The following MED21 variants were observed in gnomAD, a reference collection of about 807,000 sequenced individuals.
MED21 encodes the protein mediator complex subunit 21.
A neutral mutation model predicts 18.2 loss-of-function variants in MED21; 9 were observed. The ratio of observed to expected loss-of-function variants is 0.49; its 90% CI spans 0.30 to 0.86. MED21 has a LOEUF of 0.86. Ranked by LOEUF, MED21 falls within the 40% of genes least tolerant of loss-of-function variation. The probability of loss-of-function intolerance (pLI) is 0.07; values close to 1 mark genes in which losing one functional copy is unlikely to be tolerated. For missense variants in MED21, 150 were observed against 170.9 expected, an observed-to-expected ratio of 0.88 and a Z score of 0.68; for synonymous variants, 73 against 60.5, an observed-to-expected ratio of 1.21 and a Z score of -0.96.
chr12:27,023,399 A>G (rs984935920), intron 1 of MED21, among the ~76,000 whole-genome samples: 1 of 129,806 alleles, frequency 7.7e-6, no homozygotes, highest in African/African-American at 2.6e-5. Flanking sequence ...TCCCGGGTTC[A>G]AGCGATTCTC....
At chr12:27,023,879 C>A (rs934074256) in intron 1 of MED21, among the ~76,000 whole-genome samples, 1 of 152,014 alleles carries the variant, frequency 6.6e-6, no homozygotes, top group Non-Finnish European at 1.5e-5. Flanking sequence ...GTAACAAAGT[C>A]ATTTAGTATC....
At chr12:27,038,162 A>C (rs1342226674) in intron 2 of MED21, 1 of 152,196 alleles carries the variant, frequency 6.6e-6, no homozygotes, top group Middle Eastern at 3.2e-3. Context: ...GAAAACTCTC[A>C]GTACTTAAAG....
chr12:27,033,733 A>G (rs1052588258), downstream of MED21, among the ~76,000 whole-genome samples: 4 of 152,234 alleles, frequency 2.6e-5, no homozygotes, highest in South Asian at 2.1e-4. Context: ...TAAAAATCCA[A>G]TACTAAGAGA....
At position 27,029,487 on chromosome 12, in the gene MED21, A is replaced by G; in HGVS notation, c.*1026A>G. On this transcript the variant is annotated 3_prime_UTR_variant, in exon 4 of 4. Coordinates refer to ENST00000282892, the MANE Select transcript of MED21 (RefSeq NM_004264.5). ...GCTATTTCCTGGGGCTGTATTTTTC[A>G]GAATATGCTGAGCTACATTTGCTGC... 1 of 985,446 alleles carries G rather than the reference A, an allele frequency of 1.0e-6. No homozygotes were observed. Among genetic ancestry groups the G allele is most frequent in the Non-Finnish European group, 1.2e-6 (1 of 829,938 alleles). 61.0% of individuals were successfully genotyped at this position (985,446 alleles called of 1,614,324 possible).
At chr12:27,024,584 G>A (rs1009203389) in intron 1 of MED21, among the ~76,000 whole-genome samples, 1 of 152,192 alleles carries the variant, frequency 6.6e-6, no homozygotes, top group Non-Finnish European at 1.5e-5. Flanking sequence ...TTATTTTAGG[G>A]AAAATTTTGC....
At chr12:27,031,660 A>G (rs1685844624), downstream of MED21, among the ~76,000 whole-genome samples, 1 of 152,134 alleles carries the variant, frequency 6.6e-6, no homozygotes, top group Admixed American at 6.5e-5. Flanking sequence ...CTGGTAGCAA[A>G]ACATGTCAGT....
downstream of MED21, among the ~76,000 whole-genome samples, chr12:27,031,095 C>T (rs908871199): frequency 2.6e-5 from 4 of 152,028 alleles, no homozygotes; most frequent in South Asian, 2.1e-4. Flanking sequence ...TTAGTAGAGA[C>T]GGGGTTTCTC....
At chr12:27,034,943 G>T (rs1941640278), downstream of MED21, among the ~76,000 whole-genome samples, 1 of 152,104 alleles carries the variant, frequency 6.6e-6, no homozygotes, top group Non-Finnish European at 1.5e-5. Context: ...TAGAGACAGG[G>T]TTTTACCATG....
chr12:27,028,350 T>G lies in MED21; in HGVS notation c.324T>G (p.Val108=), dbSNP rs773461023. ...CTGCTACATGTCTGGAGGATGTTGT[T>G]TATCGAGGAGACATGCTTCTGGAGA... ...HEAATCLEDV[V]YRGDMLLEKI... Residue 108 remains valine, a synonymous_variant, in exon 4 of 4, where the codon GTT becomes GTG. Coordinates refer to ENST00000282892, the MANE Select transcript of MED21 (RefSeq NM_004264.5). The G allele has an allele frequency of 3.1e-6, 5 of 1,614,112 alleles. No individual in the cohort carries two copies. The highest frequency in any genetic ancestry group is 1.7e-5 in the Admixed American group (1 of 60,026).
At position 27,028,280 on chromosome 12, in the gene MED21, T is replaced by A. The variant is rs1236865796; in HGVS notation, c.259-5T>A. ...TAAAGATTTTAAAATTTGTGTCTTATAAAGGCTGCTAGCTTGTATAAGCTA... is the reference window on the plus strand; with the variant it reads ...TAAAGATTTTAAAATTTGTGTCTTAAAAAGGCTGCTAGCTTGTATAAGCTA... On this transcript the variant is annotated splice_polypyrimidine_tract_variant and splice_region_variant and intron_variant, in intron 3 of 3. Coordinates refer to ENST00000282892, the MANE Select transcript of MED21 (RefSeq NM_004264.5). 1 of 1,603,668 alleles carries A rather than the reference T, an allele frequency of 6.2e-7. No homozygotes were observed. The highest frequency in any genetic ancestry group is 1.1e-5 in the South Asian group (1 of 89,258).
Position 27,022,575 on chromosome 12 carries a change from G to A in MED21, c.-5G>A, listed in dbSNP as rs1328666924. The A allele has an allele frequency of 1.0e-5, 16 of 1,547,794 alleles. No individual in the cohort carries two copies. The highest frequency in any genetic ancestry group is 1.3e-5 in the Non-Finnish European group (15 of 1,140,528). On this transcript the variant is annotated 5_prime_UTR_variant, in exon 1 of 4. Transcript: ENST00000282892. The stretch of plus-strand genomic sequence containing the variant: ...GTTTTGGCGTCTGTTTGCTGCGGTA[G>A]GAACATGGCGGATCGGCTCACGCAG...
Position 27,030,132 on chromosome 12 carries a change from G to A in MED21, c.*1671G>A, listed in dbSNP as rs1041661559. 1 of 623,066 alleles carries A rather than the reference G, an allele frequency of 1.6e-6. No individual in the cohort carries two copies. Among genetic ancestry groups the A allele is most frequent in the Admixed American group, 2.5e-5 (1 of 39,464 alleles). The allele number at this position is 623,066 out of a possible 1,614,324, so 38.6% of individuals were successfully genotyped here. On this transcript the variant is annotated 3_prime_UTR_variant, in exon 4 of 4. Coordinates refer to ENST00000282892, the MANE Select transcript of MED21 (RefSeq NM_004264.5). Reference sequence around the variant, plus strand: ...TGTAGAGGATATACAGTTTTTTTTTGTTGTTCTTGTTTCTGTTTTTTTAAG... The same window carrying A: ...TGTAGAGGATATACAGTTTTTTTTTATTGTTCTTGTTTCTGTTTTTTTAAG...
In MED21 at chr12:27,029,558, A is replaced by C; in HGVS notation, c.*1097A>C. 2.0e-6 allele frequency: 2 copies of C among 985,464 alleles called. No individual in the cohort carries two copies. Among genetic ancestry groups the C allele is most frequent in the Non-Finnish European group, 2.4e-6 (2 of 829,938 alleles). The allele number at this position is 985,464 out of a possible 1,614,324, so 61.0% of individuals were successfully genotyped here. A position where few individuals can be genotyped will look rare whatever the true frequency, so the allele number is the denominator to read the frequency against. On this transcript the variant is annotated 3_prime_UTR_variant, in exon 4 of 4. Transcript: ENST00000282892. ...TTAAGTTTCAGGAGAAAACAGGAAC[A>C]ATAGAACACTCTGCCTGTTATTTTT... is the stretch of plus-strand genomic sequence containing the variant.
chr12:27,031,889 A>G (rs1941621731), downstream of MED21, among the ~76,000 whole-genome samples: 1 of 152,184 alleles, frequency 6.6e-6, no homozygotes, highest in African/African-American at 2.4e-5. Flanking sequence ...AGTTAAGTCC[A>G]GGTCAGCCAA....
intron 1 of MED21, 155 bp downstream of exon 1, chr12:27,022,776 TC>T: frequency 6.5e-7 from 1 of 1,532,602 alleles, no homozygotes; most frequent in Non-Finnish European, 8.8e-7. Flanking sequence ...CACCGCGAAC[TC>T]GGAGGTTTGA....
downstream of MED21, among the ~76,000 whole-genome samples, chr12:27,032,322 G>GTAAAT (rs1245659744): frequency 5.9e-5 from 9 of 152,300 alleles, no homozygotes; most frequent in Non-Finnish European, 1.2e-4. Flanking sequence ...GTGAGGTGGG[G>GTAAAT]AGATAAATAG....
Position 27,030,282 on chromosome 12 carries a change from A to G in MED21, c.*1821A>G. ...GTAACTGGGACTACAGGCATGTACT[A>G]CCACGTCCAGCTAATTTTTTTTTTC... is the stretch of plus-strand genomic sequence containing the variant. On this transcript the variant is annotated 3_prime_UTR_variant, in exon 4 of 4. Transcript: ENST00000282892. 1.9e-6 allele frequency: 1 copy of G among 520,120 alleles called. No homozygotes were observed. The highest frequency in any genetic ancestry group is 3.5e-6 in the Non-Finnish European group (1 of 288,958). The allele number at this position is 520,120 out of a possible 1,614,324, so 32.2% of individuals were successfully genotyped here.
At chr12:27,027,075 C>T (rs1192196736) in intron 2 of MED21, among the ~76,000 whole-genome samples, 1 of 152,078 alleles carries the variant, frequency 6.6e-6, no homozygotes, top group Non-Finnish European at 1.5e-5. Flanking sequence ...ATTACAGGCT[C>T]ATGCCACCAC....
downstream of MED21, among the ~76,000 whole-genome samples, chr12:27,032,248 G>A (rs1941624798): frequency 2.0e-5 from 3 of 152,156 alleles, no homozygotes; most frequent in Non-Finnish European, 4.4e-5. Flanking sequence ...AGTTACTATC[G>A]TAACTGGTCC....
Sources: allele counts gnomAD v4.1 joint callset (sites outside exome capture counted in the v4.1 genomes callset), GRCh38; gene constraint gnomAD v4.1.1; transcripts MANE v1.5; gene names NCBI Gene and HGNC (gene_info 2026-07-23, HGNC 2026-07-21).